The following LYPLAL1 variants were observed in gnomAD, a reference collection of about 807,000 sequenced individuals.
LYPLAL1 encodes the protein lysophospholipase like 1.
LYPLAL1 carries 23 observed loss-of-function variants against 19.7 expected under a neutral mutation model. That is an observed-to-expected ratio of 1.17 (90% CI 0.84 to 1.65). The LOEUF (loss-of-function observed/expected upper bound fraction) is 1.65. LYPLAL1 is among the 40% of genes most tolerant of loss of function. The pLI is 0.00. For missense variants in LYPLAL1, 355 were observed against 279.4 expected (o/e 1.27, Z -1.93); for synonymous variants, 119 against 96.3 (o/e 1.24, Z -1.38).
the LYPLAL1 span, among the ~76,000 whole-genome samples, chr1:219,238,438 A>G: frequency 1.1e-4 from 16 of 149,682 alleles, no homozygotes; most frequent in African/African-American, 1.5e-4. Context: ...GGCGTGAGCC[A>G]CTGCGCCCGG....
chr1:219,374,631 C>T, the LYPLAL1 span, among the ~76,000 whole-genome samples: 1 of 152,184 alleles, frequency 6.6e-6, no homozygotes, highest in Admixed American at 6.5e-5. Flanking sequence ...ACATTAGGAT[C>T]ATGAGACTGT....
chr1:219,436,392 T>C, the LYPLAL1 span, among the ~76,000 whole-genome samples: 1 of 152,242 alleles, frequency 6.6e-6, no homozygotes, highest in Non-Finnish European at 1.5e-5. Flanking sequence ...ATGTCAGATA[T>C]GTTTTCAACC....
At chr1:219,432,226 T>C in the LYPLAL1 span, among the ~76,000 whole-genome samples, 19 of 152,172 alleles carry the variant, frequency 1.2e-4, no homozygotes, top group Non-Finnish European at 2.5e-4. Context: ...CCTGCTGGCT[T>C]TTTGAAATGC....
the LYPLAL1 span, among the ~76,000 whole-genome samples, chr1:219,280,997 T>G: frequency 2.0e-5 from 3 of 152,148 alleles, no homozygotes; most frequent in African/African-American, 7.2e-5. Context: ...TGCAGTGGGC[T>G]GAGATCGCAC....
the LYPLAL1 span, among the ~76,000 whole-genome samples, chr1:219,233,165 T>G: frequency 1.3e-5 from 2 of 152,150 alleles, no homozygotes; most frequent in African/African-American, 4.8e-5. Context: ...ACATATACAG[T>G]GTAATATTAT....
chr1:219,436,075 C>T, the LYPLAL1 span, among the ~76,000 whole-genome samples: 2 of 152,190 alleles, frequency 1.3e-5, no homozygotes, highest in Admixed American at 6.5e-5. Flanking sequence ...CTAGCCCGTA[C>T]ACCCACACTC....
chr1:219,309,175 C>T, the LYPLAL1 span, among the ~76,000 whole-genome samples: 1 of 152,198 alleles, frequency 6.6e-6, no homozygotes, highest in South Asian at 2.1e-4. Context: ...ATGAGACTTT[C>T]ATGAGCCCTT....
chr1:219,294,489 T>G, the LYPLAL1 span, among the ~76,000 whole-genome samples: 1 of 152,196 alleles, frequency 6.6e-6, no homozygotes, highest in East Asian at 1.9e-4. Flanking sequence ...CTCCCTTACT[T>G]ATCTCTGGTA....
At chr1:219,355,125 G>A in the LYPLAL1 span, among the ~76,000 whole-genome samples, 2 of 152,144 alleles carry the variant, frequency 1.3e-5, no homozygotes, top group Non-Finnish European at 2.9e-5. Flanking sequence ...AATGATGGAC[G>A]TGTTCTCTAC....
At chr1:219,236,046 G>T in the LYPLAL1 span, among the ~76,000 whole-genome samples, 12 of 152,164 alleles carry the variant, frequency 7.9e-5, no homozygotes, top group Non-Finnish European at 1.6e-4. Flanking sequence ...AGCATGTAAT[G>T]AAACTTGATT....
the LYPLAL1 span, among the ~76,000 whole-genome samples, chr1:219,312,337 T>C: frequency 6.6e-6 from 1 of 152,258 alleles, no homozygotes; most frequent in South Asian, 2.1e-4. Context: ...CCTTTCCCTG[T>C]TTCTTTAGAT....
chr1:219,309,170 A>C, the LYPLAL1 span, among the ~76,000 whole-genome samples: 6 of 152,108 alleles, frequency 3.9e-5, no homozygotes, highest in Non-Finnish European at 8.8e-5. Context: ...CTTGCATGAG[A>C]CTTTCATGAG....
chr1:219,357,229 G>GA, the LYPLAL1 span, among the ~76,000 whole-genome samples: 12 of 151,810 alleles, frequency 7.9e-5, no homozygotes, highest in Middle Eastern at 0.01. Context: ...GGTGTTCTCA[G>GA]AAAAAAAAGC....
the LYPLAL1 span, among the ~76,000 whole-genome samples, chr1:219,263,373 A>C: frequency 6.6e-6 from 1 of 152,136 alleles, no homozygotes; most frequent in Non-Finnish European, 1.5e-5. Context: ...GTTTATATCC[A>C]GGCAGCCTGC....
the LYPLAL1 span, among the ~76,000 whole-genome samples, chr1:219,253,445 A>C: frequency 6.6e-6 from 1 of 151,970 alleles, no homozygotes; most frequent in Non-Finnish European, 1.5e-5. Context: ...ACACTGCCTT[A>C]GTTGTGTTCC....
chr1:219,418,321 G>T, the LYPLAL1 span, among the ~76,000 whole-genome samples: 2 of 151,970 alleles, frequency 1.3e-5, no homozygotes, highest in Admixed American at 1.3e-4. Context: ...AAAGATAAAG[G>T]GTAGCAATTC....
At position 219,177,551 on chromosome 1, in the gene LYPLAL1, G is replaced by A. The variant is rs564434555; in HGVS notation, c.92-1596G>A. Among the ~76,000 whole-genome samples, 19 of 152,254 alleles carry A rather than the reference G, an allele frequency of 1.2e-4. No individual in the cohort carries two copies. In the South Asian group the frequency reaches 3.5e-3, roughly 28 times the overall value. ...TGTATGCCTGTTGCTTATGTTTCCT[G>A]TCTAGGCAGGTGTCTAGTATTGTTC... is the stretch of plus-strand genomic sequence containing the variant. On this transcript the variant is annotated intron_variant, in intron 1 of 4. Coordinates refer to ENST00000366928, the MANE Select transcript of LYPLAL1 (RefSeq NM_138794.5).
At chr1:219,349,565 G>A in the LYPLAL1 span, among the ~76,000 whole-genome samples, 2 of 152,044 alleles carry the variant, frequency 1.3e-5, no homozygotes, top group African/African-American at 4.8e-5. Flanking sequence ...GTGATCATAT[G>A]CCTGTGTGCA....
chr1:219,259,962 T>C, the LYPLAL1 span, among the ~76,000 whole-genome samples: 1 of 151,926 alleles, frequency 6.6e-6, no homozygotes, highest in Admixed American at 6.6e-5. Flanking sequence ...TGAAGAATAT[T>C]AACAATTTGA....
Sources: allele counts gnomAD v4.1 joint callset (sites outside exome capture counted in the v4.1 genomes callset), GRCh38; gene constraint gnomAD v4.1.1; transcripts MANE v1.5; gene names NCBI Gene and HGNC (gene_info 2026-07-23, HGNC 2026-07-21).